Variants in DLGAP2 observed in about 807,000 individuals in gnomAD.
DLGAP2 encodes DLG associated protein 2, also known as disks large-associated protein 2.
Under a neutral mutation model 100.3 loss-of-function variants are expected in DLGAP2, and 26 were observed. That is an observed-to-expected ratio of 0.26 (90% CI 0.19 to 0.36). The LOEUF is 0.36. DLGAP2 is among the 10% of genes least tolerant of loss of function. The probability of loss-of-function intolerance (pLI) is 1.00; values close to 1 mark genes in which losing one functional copy is unlikely to be tolerated. For missense variants in DLGAP2, 1,858 were observed against 1,453.2 expected (o/e 1.28, Z -4.53); for synonymous variants, 886 against 630.1 (o/e 1.41, Z -6.08).
chr8:1,309,685 C>T (rs1483524774), intron 3 of DLGAP2, among the ~76,000 whole-genome samples: 1 of 152,142 alleles, frequency 6.6e-6, no homozygotes, highest in African/African-American at 2.4e-5. Context: ...CCAGGAAAAC[C>T]AACAAGATTA....
rs71190752 is a variant in DLGAP2 at position 1,690,703 on chromosome 8, C to CAAA, written c.2705-808_2705-806dup. 3.0e-3 allele frequency among the ~76,000 whole-genome samples: 185 copies of CAAA among 62,062 alleles called. 14 individuals are homozygous for CAAA. The highest frequency in any genetic ancestry group is 9.3e-3 in the African/African-American group (172 of 18,564). 40.7% of individuals were successfully genotyped at this position (62,062 alleles called of 152,430 possible). On this transcript the variant is annotated intron_variant, in intron 12 of 14. Transcript: ENST00000637795. Reference sequence around the variant, plus strand: ...TGGGCGATAAAGGGAGACCCTATCTCAAAAAAAAAAAAAAAAAAAAAAAAA... The same window carrying CAAA: ...TGGGCGATAAAGGGAGACCCTATCTCAAAAAAAAAAAAAAAAAAAAAAAAAAAA...
intron 2 of DLGAP2, among the ~76,000 whole-genome samples, chr8:1,094,854 C>T (rs555442439): frequency 1.8e-4 from 27 of 152,364 alleles, no homozygotes; most frequent in Admixed American, 3.9e-4. Flanking sequence ...TCCAAGCAAA[C>T]GTCCTGACCC....
rs1820351611 is a variant in DLGAP2, at chr8:737,653, C to A, written c.-155C>A. 2.8e-6 allele frequency: 1 copy of A among 354,348 alleles called. No individual in the cohort carries two copies. The highest frequency in any genetic ancestry group is 5.1e-6 in the Non-Finnish European group (1 of 197,696). The allele number at this position is 354,348 out of a possible 1,614,324, so 22.0% of individuals were successfully genotyped here. A position where few individuals can be genotyped will look rare whatever the true frequency, so the allele number is the denominator to read the frequency against. On this transcript the variant is annotated 5_prime_UTR_variant, in exon 1 of 15. Coordinates refer to ENST00000637795, the MANE Select transcript of DLGAP2 (RefSeq NM_001346810.2). ...AGACCGACCGTGCGCCGGGCTCGAG[C>A]GCGGTCTGAGCGCGCGGCGCCTGCG...
At chr8:1,124,700 C>G (rs1796126339) in intron 2 of DLGAP2, among the ~76,000 whole-genome samples, 1 of 152,218 alleles carries the variant, frequency 6.6e-6, no homozygotes, top group Non-Finnish European at 1.5e-5. Context: ...ATGATTTTCA[C>G]TATCTTTTGA....
intron 1 of DLGAP2, among the ~76,000 whole-genome samples, chr8:903,127 T>A (rs943472738): frequency 1.3e-5 from 2 of 151,928 alleles, no homozygotes; most frequent in Non-Finnish European, 2.9e-5. Flanking sequence ...CCCTATGAGT[T>A]ATCTTGTCGC....
chr8:957,530 T>C (rs1485363536), intron 2 of DLGAP2, among the ~76,000 whole-genome samples: 1 of 152,262 alleles, frequency 6.6e-6, no homozygotes, highest in African/African-American at 2.4e-5. Flanking sequence ...ATTTGGATTG[T>C]GTCCATGTTC....
rs116227399 is a variant in DLGAP2, at chr8:1,582,830, T to C, written c.1442+16936T>C. 4.1e-3 allele frequency among the ~76,000 whole-genome samples: 617 copies of C among 152,282 alleles called. 5 individuals are homozygous for C. Among genetic ancestry groups the C allele is most frequent in the African/African-American group, 0.014 (588 of 41,558 alleles). On this transcript the variant is annotated intron_variant, in intron 6 of 14. Coordinates refer to ENST00000637795, the MANE Select transcript of DLGAP2 (RefSeq NM_001346810.2). ...CCAGACTGGTCTCAAACTCCTGACC[T>C]GAAATGGCCCACCCTCCTCGGCTTC...
At chr8:741,881 A>G (rs1403323496) in intron 1 of DLGAP2, among the ~76,000 whole-genome samples, 1 of 152,238 alleles carries the variant, frequency 6.6e-6, no homozygotes, top group African/African-American at 2.4e-5. Flanking sequence ...AACAGCGGGA[A>G]AGGTGTAAGG....
intron 6 of DLGAP2, among the ~76,000 whole-genome samples, chr8:1,597,525 G>A (rs1027130750): frequency 3.3e-5 from 5 of 152,046 alleles, no homozygotes; most frequent in South Asian, 4.1e-4. Context: ...CCATTTATTT[G>A]TGTCTTCTCT....
intron 5 of DLGAP2, among the ~76,000 whole-genome samples, chr8:1,550,318 G>A (rs1801719861): frequency 6.6e-6 from 1 of 152,212 alleles, no homozygotes. Context: ...CTGCAGGGAT[G>A]GCGGGACGTT....
At chr8:898,641 C>T (rs542493694) in intron 1 of DLGAP2, among the ~76,000 whole-genome samples, 4 of 148,462 alleles carry the variant, frequency 2.7e-5, no homozygotes, top group Non-Finnish European at 4.5e-5. Context: ...CCCTGCAGCT[C>T]ATTGCTGGGT....
At chr8:1,189,223 G>A (rs561202238) in intron 2 of DLGAP2, among the ~76,000 whole-genome samples, 1 of 146,208 alleles carries the variant, frequency 6.8e-6, no homozygotes, top group Non-Finnish European at 1.5e-5. Flanking sequence ...GCCCCAGGCC[G>A]GTTCCGCGGT....
intron 3 of DLGAP2, among the ~76,000 whole-genome samples, chr8:1,338,217 C>T (rs995036869): frequency 2.0e-5 from 3 of 152,218 alleles, no homozygotes; most frequent in Non-Finnish European, 4.4e-5. Flanking sequence ...TATGTCTACA[C>T]AGAAACTCAC....
chr8:738,681 G>GGCTGC, intron 1 of DLGAP2: 1 of 151,650 alleles, frequency 6.6e-6, no homozygotes, highest in East Asian at 2.0e-4. Context: ...GGTGGGGCTG[G>GGCTGC]GCTGGGCTGG....
intron 3 of DLGAP2, among the ~76,000 whole-genome samples, chr8:1,358,270 G>A (rs6558457): frequency 0.68 from 102,895 of 152,090 alleles, 36,031 homozygotes; most frequent in East Asian, 0.94. Flanking sequence ...TAATTTCACT[G>A]AAGTATTATC....
chr8:1,431,712 C>G (rs138704887), intron 3 of DLGAP2, among the ~76,000 whole-genome samples: 247 of 152,298 alleles, frequency 1.6e-3, no homozygotes, highest in Non-Finnish European at 1.8e-3. Context: ...GGCTCCCGGG[C>G]TTACTCTCCT....
intron 6 of DLGAP2, chr8:1,622,308 A>T (rs1797365058): frequency 6.6e-6 from 1 of 152,188 alleles, no homozygotes; most frequent in Admixed American, 6.5e-5. Context: ...ATGGAAAAAA[A>T]TTTTCTTAAA....
intron 6 of DLGAP2, among the ~76,000 whole-genome samples, chr8:1,624,857 C>CTCTCTCTCTCTCTG (rs145529853): frequency 6.3e-5 from 5 of 79,446 alleles, no homozygotes; most frequent in South Asian, 4.9e-4. Flanking sequence ...CTCTCTCTCT[C>CTCTCTCTCTCTCTG]TCTCTCTCTC....
intron 8 of DLGAP2, among the ~76,000 whole-genome samples, chr8:1,663,004 G>GTGAC (rs1798449691): frequency 7.3e-6 from 1 of 137,588 alleles, no homozygotes; most frequent in African/African-American, 2.6e-5. Flanking sequence ...AGTGTGGGGT[G>GTGAC]TGTGTGTGTG....
Sources: gnomAD v4.1 joint callset for allele counts (sites outside exome capture counted in the v4.1 genomes callset) on GRCh38, gnomAD v4.1.1 for gene constraint, MANE v1.5 for transcripts, NCBI Gene and HGNC (gene_info 2026-07-23, HGNC 2026-07-21) for gene names.